ZDBF2: variants seen among roughly 807,000 people sequenced by gnomAD.
ZDBF2 encodes zinc finger DBF-type containing 2, also known as DBF4-type zinc finger-containing protein 2.
ZDBF2 carries 6 observed loss-of-function variants against 9.4 expected under a neutral mutation model. That is an observed-to-expected ratio of 0.64 (90% CI 0.35 to 1.27). ZDBF2 has a LOEUF of 1.27. Among genes scored for constraint, ZDBF2 ranks in the 50% most tolerant of loss-of-function variants. The pLI is 0.03. For synonymous variants in ZDBF2, 905 were observed against 946.3 expected (o/e 0.96, Z 0.80); for missense variants, 2,697 against 2,766.8 (o/e 0.97, Z 0.57).
In ZDBF2 at chr2:206,306,302, G is replaced by A; in HGVS notation, c.1774G>A (p.Val592Ile). ...SFDCDVSLES[V>I]VDHPQLTVKG... ...TGATTGTGATGTTTCTCTTGAGTCA[G>A]TAGTTGATCATCCCCAACTGACTGT... The change falls in exon 5 of 5, where the codon GTA (valine) becomes ATA (isoleucine). Residue 592 changes from valine (V) to isoleucine (I), a missense_variant. Physicochemically the swap from Val to Ile is conservative, Grantham distance 29 (BLOSUM62 3). This residue lies in a region of ZDBF2 where 910 missense variants were observed against 973.6 expected (regional missense o/e 0.93). Transcript: ENST00000374423. 6.2e-7 allele frequency: 1 copy of A among 1,613,678 alleles called. No homozygotes were observed.
chr2:206,310,951 A>ATG lies in ZDBF2; in HGVS notation c.6423_6424insTG (p.Lys2142Ter), dbSNP rs1693144659. The ATG allele has an allele frequency of 2.2e-5, 36 of 1,613,632 alleles. No homozygotes were observed. Among genetic ancestry groups the ATG allele is most frequent in the Non-Finnish European group, 3.1e-5 (36 of 1,179,726 alleles). ...AGGTTCTGCATGCTCGTGAGCTTCC[A>ATG]AAGAAAAGAAATTTCCAGCTAACAT... On this transcript the variant is annotated frameshift_variant, in exon 5 of 5. Transcript: ENST00000374423. LOFTEE classifies it low-confidence loss of function (END_TRUNC).
intron 3 of ZDBF2, among the ~76,000 whole-genome samples, chr2:206,290,080 C>T (rs1691809774): frequency 6.6e-6 from 1 of 152,182 alleles, no homozygotes; most frequent in Admixed American, 6.5e-5. Context: ...ATGTGATATA[C>T]AGTAGTATCA....
At position 206,308,849 on chromosome 2, in the gene ZDBF2, G is replaced by C; in HGVS notation, c.4321G>C (p.Asp1441His). Reference protein sequence around the residue: ...EINLQKKDHNDLENKNCEVCG... With the variant: ...EINLQKKDHNHLENKNCEVCG... ...AAACTTGCAAAAGAAGGATCATAAT[G>C]ATCTAGAAAATAAGAACTGTGAAGT... The change falls in exon 5 of 5, where the codon GAT (aspartate) becomes CAT (histidine). Residue 1441 changes from aspartate to histidine, a missense_variant. Transcript: ENST00000374423. 6.2e-7 allele frequency: 1 copy of C among 1,613,542 alleles called. No individual in the cohort carries two copies. The highest frequency in any genetic ancestry group is 1.1e-5 in the South Asian group (1 of 90,940).
chr2:206,311,147 G>A lies in ZDBF2; in HGVS notation c.6619G>A (p.Ala2207Thr). 1 of 1,613,536 alleles carries A rather than the reference G, an allele frequency of 6.2e-7. No individual in the cohort carries two copies. The highest frequency in any genetic ancestry group is 1.7e-5 in the Admixed American group (1 of 59,906). Residue 2207 changes from alanine to threonine, a missense_variant, in exon 5 of 5, where the codon GCT becomes ACT. Transcript: ENST00000374423. ...TATTCTCCAGCAAAAACCCAGAAAAGCTTCAGAGAAACAGTCAATTTGGAT... is the reference window on the plus strand; with the variant it reads ...TATTCTCCAGCAAAAACCCAGAAAAACTTCAGAGAAACAGTCAATTTGGAT... ...PIILQQKPRK[A>T]SEKQSIWIRT...
Position 206,309,428 on chromosome 2 carries a change from C to G in ZDBF2, c.4900C>G (p.Gln1634Glu). ...GAATTTTAATGTTGATGCCTCTGAT[C>G]AGTCCATGACTTACGAGTCACAAGG... ...EMNFNVDASD[Q>E]SMTYESQGPD... Residue 1634 changes from glutamine to glutamate, a missense_variant, in exon 5 of 5, where the codon CAG (glutamine) becomes GAG (glutamate). This residue lies in a region of ZDBF2 where 1,783 missense variants were observed against 1,776.5 expected (regional missense o/e 1.00). Coordinates refer to ENST00000374423, the MANE Select transcript of ZDBF2 (RefSeq NM_020923.3). The G allele has an allele frequency of 6.2e-7, 1 of 1,613,206 alleles. No homozygotes were observed. The highest frequency in any genetic ancestry group is 8.5e-7 in the Non-Finnish European group (1 of 1,179,690).
Position 206,304,696 on chromosome 2 carries a change from GT to G in ZDBF2, c.189-18del. On this transcript the variant is annotated intron_variant, in intron 4 of 4. Coordinates refer to ENST00000374423, the MANE Select transcript of ZDBF2 (RefSeq NM_020923.3). Reference sequence around the variant, plus strand: ...AACAGACATTAGAATATGTTTATGAGTTTCCCCCCTTTCGTTTTAGTTCAAC... The same window carrying G: ...AACAGACATTAGAATATGTTTATGAGTTCCCCCCTTTCGTTTTAGTTCAAC... 6.3e-7 allele frequency: 1 copy of G among 1,580,302 alleles called. No individual in the cohort carries two copies. Among genetic ancestry groups the G allele is most frequent in the Non-Finnish European group, 8.6e-7 (1 of 1,167,236 alleles).
intron 2 of ZDBF2, among the ~76,000 whole-genome samples, chr2:206,281,129 T>G (rs528131999): frequency 6.8e-4 from 103 of 152,304 alleles, no homozygotes; most frequent in African/African-American, 2.3e-3. Flanking sequence ...TATGTAATGT[T>G]GAAGGATTAT....
At position 206,305,816 on chromosome 2, in the gene ZDBF2, C is replaced by T; in HGVS notation, c.1288C>T (p.Leu430Phe). 1 of 1,613,516 alleles carries T rather than the reference C, an allele frequency of 6.2e-7. No homozygotes were observed. The highest frequency in any genetic ancestry group is 8.5e-7 in the Non-Finnish European group (1 of 1,179,764). Reference sequence around the variant, plus strand: ...TAAAGTGAGTGCCAAAGAAGTAAACCTTTCCAAGGAAGTACGTACTGATGT... The same window carrying T: ...TAAAGTGAGTGCCAAAGAAGTAAACTTTTCCAAGGAAGTACGTACTGATGT... ...QSKVSAKEVNLSKEVRTDVQY... is the reference protein window; with the variant it reads ...QSKVSAKEVNFSKEVRTDVQY... Residue 430 changes from leucine (L) to phenylalanine (F), a missense_variant, in exon 5 of 5, where the codon CTT (leucine) becomes TTT (phenylalanine). Coordinates refer to ENST00000374423, the MANE Select transcript of ZDBF2 (RefSeq NM_020923.3).
intron 3 of ZDBF2, among the ~76,000 whole-genome samples, chr2:206,285,662 G>C (rs2105907056): frequency 6.6e-6 from 1 of 152,200 alleles, no homozygotes; most frequent in East Asian, 1.9e-4. Flanking sequence ...ATATTATCCA[G>C]TTTGTCTATT....
chr2:206,289,172 A>G (rs1402462800), intron 3 of ZDBF2, among the ~76,000 whole-genome samples: 1 of 152,030 alleles, frequency 6.6e-6, no homozygotes, highest in Non-Finnish European at 1.5e-5. Context: ...CTTGGCCAGG[A>G]CACTATTTCC....
At position 206,311,492 on chromosome 2, in the gene ZDBF2, C is replaced by T. The variant is rs1171681804; in HGVS notation, c.6964C>T (p.Pro2322Ser). Reference sequence around the variant, plus strand: ...TGGCCGACAGAAAGGTCCTTCTACACCTGTGAGAGCATATGATCTGAGAAG... The same window carrying T: ...TGGCCGACAGAAAGGTCCTTCTACATCTGTGAGAGCATATGATCTGAGAAG... The part of the protein sequence containing the change: ...YHGRQKGPST[P>S]VRAYDLRSSS... The change falls in exon 5 of 5, where the codon CCT becomes TCT. Residue 2322 changes from proline (P) to serine (S), a missense_variant. By Grantham distance (74) the Pro-to-Ser change is moderately conservative. Around this residue, in one of 3 missense-constraint regions of ZDBF2, gnomAD observed 1,783 missense variants for 1,776.5 expected, o/e 1.00. Coordinates refer to ENST00000374423, the MANE Select transcript of ZDBF2 (RefSeq NM_020923.3). The T allele has an allele frequency of 1.2e-6, 2 of 1,604,442 alleles. No individual in the cohort carries two copies. The highest frequency in any genetic ancestry group is 8.5e-7 in the Non-Finnish European group (1 of 1,177,334).
In ZDBF2 at chr2:206,277,440, CATAA is replaced by C. The variant is rs1328946990; in HGVS notation, c.-102-2097_-102-2094del. Among the ~76,000 whole-genome samples the C allele has an allele frequency of 3.1e-5, 4 of 127,612 alleles. No homozygotes were observed. The South Asian group carries it at 1.0e-3, about 33-fold the overall frequency. 83.7% of individuals were successfully genotyped at this position (127,612 alleles called of 152,430 possible). The stretch of plus-strand genomic sequence containing the variant: ...TAGGTTTATGCAATTTTAAATGTTA[CATAA>C]ATGAATGAAATAAGAAGGTGAACAT... On this transcript the variant is annotated intron_variant, in intron 1 of 4. Transcript: ENST00000374423.
Position 206,310,839 on chromosome 2 carries a change from C to T in ZDBF2, c.6311C>T (p.Ser2104Leu). 6.2e-7 allele frequency: 1 copy of T among 1,613,914 alleles called. No individual in the cohort carries two copies. Among genetic ancestry groups the T allele is most frequent in the Non-Finnish European group, 8.5e-7 (1 of 1,179,876 alleles). The change falls in exon 5 of 5, where the codon TCA becomes TTA. Residue 2104 changes from serine to leucine, a missense_variant. Around this residue, in one of 3 missense-constraint regions of ZDBF2, gnomAD observed 1,783 missense variants for 1,776.5 expected, o/e 1.00. Transcript: ENST00000374423. ...GATGCTGATGGACAAGGCTCTGCTT[C>T]AGCGCCTTTAATGGCAGTGCCGGCA... Reference protein sequence around the residue: ...DNDADGQGSASAPLMAVPARY... With the variant: ...DNDADGQGSALAPLMAVPARY...
intron 4 of ZDBF2, 28 bp from the exon 5 acceptor site, chr2:206,304,689 T>C: frequency 6.4e-7 from 1 of 1,570,542 alleles, no homozygotes. Context: ...TTAGAATATG[T>C]TTATGAGTTT....
At chr2:206,287,493 A>G (rs899125566) in intron 3 of ZDBF2, among the ~76,000 whole-genome samples, 9 of 152,182 alleles carry the variant, frequency 5.9e-5, no homozygotes, top group Non-Finnish European at 1.2e-4. Flanking sequence ...GCTGTTTTTC[A>G]GATTCCATCT....
In ZDBF2 at chr2:206,313,513, A is replaced by C. The variant is rs1410378536; in HGVS notation, c.*1920A>C. On this transcript the variant is annotated 3_prime_UTR_variant, in exon 5 of 5. Transcript: ENST00000374423. Reference sequence around the variant, plus strand: ...GAAGTAAACAAACAGCTGATATATAAGATATTTGTGGGTATTGGTGTCTTT... The same window carrying C: ...GAAGTAAACAAACAGCTGATATATACGATATTTGTGGGTATTGGTGTCTTT... 4 of 152,178 alleles carry C rather than the reference A, an allele frequency of 2.6e-5. No individual in the cohort carries two copies. The South Asian group carries it at 6.2e-4, about 24-fold the overall frequency. The allele number at this position is 152,178 out of a possible 1,614,324, so 9.4% of individuals were successfully genotyped here.
At chr2:206,275,888 C>G (rs1433197773) in intron 1 of ZDBF2, among the ~76,000 whole-genome samples, 1 of 152,082 alleles carries the variant, frequency 6.6e-6, no homozygotes, top group East Asian at 1.9e-4. Context: ...TTTTCTCTAT[C>G]GTTTGAACCT....
chr2:206,299,564 C>T (rs1172882143), intron 4 of ZDBF2, among the ~76,000 whole-genome samples: 2 of 151,944 alleles, frequency 1.3e-5, no homozygotes, highest in South Asian at 4.2e-4. Flanking sequence ...CCCAGCTACT[C>T]GGGAGGCTGA....
At chr2:206,280,027 A>G (rs1691231999) in intron 2 of ZDBF2, among the ~76,000 whole-genome samples, 1 of 151,946 alleles carries the variant, frequency 6.6e-6, no homozygotes, top group South Asian at 2.1e-4. Context: ...CTGTTCTCAA[A>G]CTCCTAACCG....
Sources: gnomAD v4.1 joint callset for allele counts (sites outside exome capture counted in the v4.1 genomes callset) on GRCh38, gnomAD v4.1.1 for gene constraint, gnomAD v4.1.1 regional missense constraint, MANE v1.5 for transcripts, NCBI Gene and HGNC (gene_info 2026-07-23, HGNC 2026-07-21) for gene names.